Variants in ATXN2 observed in about 807,000 individuals in gnomAD.
The protein encoded by ATXN2 is ataxin-2.
A neutral mutation model predicts 138.6 loss-of-function variants in ATXN2; 37 were observed. The observed-to-expected ratio is 0.27, with a 90% CI of 0.21 to 0.35. ATXN2 has a LOEUF of 0.35. Ranked by LOEUF, ATXN2 falls within the 10% of genes least tolerant of loss-of-function variation. ATXN2 has a pLI of 1.00. For missense variants in ATXN2, 1,216 were observed against 1,480.3 expected, an observed-to-expected ratio of 0.82 and a Z score of 2.93; for synonymous variants, 549 against 543.7, an observed-to-expected ratio of 1.01 and a Z score of -0.13.
intron 14 of ATXN2, among the ~76,000 whole-genome samples, chr12:111,507,503 C>T (rs916702648): frequency 6.6e-6 from 1 of 151,218 alleles, no homozygotes; most frequent in African/African-American, 2.4e-5. Context: ...GGGGGTCAGC[C>T]CCCGCCCGGC....
At chr12:111,554,962 T>A (rs1882314853) in intron 2 of ATXN2, among the ~76,000 whole-genome samples, 1 of 152,212 alleles carries the variant, frequency 6.6e-6, no homozygotes, top group African/African-American at 2.4e-5. Context: ...TACTACCATA[T>A]ACGTGTATAT....
At chr12:111,495,161 A>T (rs1297412056) in intron 14 of ATXN2, among the ~76,000 whole-genome samples, 1 of 152,092 alleles carries the variant, frequency 6.6e-6, no homozygotes, top group Non-Finnish European at 1.5e-5. Context: ...CAAAAAATTT[A>T]GCTGGGCTTG....
chr12:111,524,126 C>T (rs764730445), intron 6 of ATXN2, among the ~76,000 whole-genome samples: 6 of 152,062 alleles, frequency 3.9e-5, no homozygotes, highest in East Asian at 3.9e-4. Flanking sequence ...ATACAGGTGA[C>T]GTGATGTACA....
At chr12:111,543,276 G>A (rs982946882) in intron 5 of ATXN2, among the ~76,000 whole-genome samples, 1 of 152,032 alleles carries the variant, frequency 6.6e-6, no homozygotes, top group African/African-American at 2.4e-5. Context: ...TTTGTTACTC[G>A]TACTCTGTTA....
intron 20 of ATXN2, among the ~76,000 whole-genome samples, chr12:111,464,918 G>A (rs2135665785): frequency 6.6e-6 from 1 of 152,324 alleles, no homozygotes; most frequent in South Asian, 2.1e-4. Context: ...GTACTTAGGT[G>A]TCAAGTTGTC....
In ATXN2 at chr12:111,598,976, TGTTGCTGCTGC is replaced by T. The variant is rs752859349; in HGVS notation, c.48_58del (p.Gln17AlafsTer69). 1,824 of 1,430,300 alleles carry T rather than the reference TGTTGCTGCTGC, an allele frequency of 1.3e-3. 3 individuals carry two copies. The highest frequency in any genetic ancestry group is 1.3e-3 in the Non-Finnish European group (1,410 of 1,078,400). The allele number at this position is 1,430,300 out of a possible 1,614,324, so 88.6% of individuals were successfully genotyped here. A position where few individuals can be genotyped will look rare whatever the true frequency, so the allele number is the denominator to read the frequency against. ...CTGCTGCTGCTGCTGCTGCTGCTGC[TGTTGCTGCTGC>T]TGCTGCTGCTGCTGCTGCTGCTGCT... On this transcript the variant is annotated frameshift_variant, in exon 1 of 25. Coordinates refer to ENST00000673436, the MANE Select transcript of ATXN2 (RefSeq NM_001372574.1). LOFTEE classifies it high-confidence loss of function. The surrounding 1 kb of genome is among the most constrained non-coding windows in gnomAD (Gnocchi z 4.5).
At chr12:111,512,030 G>C (rs1158697830) in intron 11 of ATXN2, 1 of 152,034 alleles carries the variant, frequency 6.6e-6, no homozygotes, top group Non-Finnish European at 1.5e-5. Flanking sequence ...GAGTGCAATG[G>C]TGTGATCTTG....
intron 1 of ATXN2, among the ~76,000 whole-genome samples, chr12:111,573,833 T>C (rs778304121): frequency 6.6e-6 from 1 of 151,710 alleles, no homozygotes; most frequent in African/African-American, 2.4e-5. Flanking sequence ...AATGTTCATC[T>C]TTTCACATCA....
chr12:111,557,627 T>C (rs1388522860), intron 1 of ATXN2, among the ~76,000 whole-genome samples: 1 of 152,152 alleles, frequency 6.6e-6, no homozygotes, highest in Non-Finnish European at 1.5e-5. Flanking sequence ...AATCATCCAG[T>C]TCATGAGCAG....
intron 1 of ATXN2, among the ~76,000 whole-genome samples, chr12:111,595,865 C>T (rs1206657980): frequency 6.8e-6 from 1 of 146,850 alleles, no homozygotes; most frequent in Non-Finnish European, 1.5e-5. Flanking sequence ...GAGTTCGAGA[C>T]CAGCCTGGCC....
chr12:111,592,411 A>G (rs935348937), intron 1 of ATXN2, among the ~76,000 whole-genome samples: 2 of 151,568 alleles, frequency 1.3e-5, no homozygotes, highest in Admixed American at 1.3e-4. Flanking sequence ...AAACCCTTAG[A>G]TGGTAACAGT....
Position 111,599,238 on chromosome 12 carries a change from G to C in ATXN2, c.-204C>G. 2 of 1,204,458 alleles carry C rather than the reference G, an allele frequency of 1.7e-6. No homozygotes were observed. Among genetic ancestry groups the C allele is most frequent in the Non-Finnish European group, 2.1e-6 (2 of 973,330 alleles). 74.6% of individuals were successfully genotyped at this position (1,204,458 alleles called of 1,614,324 possible). On this transcript the variant is annotated 5_prime_UTR_variant, in exon 1 of 25. Coordinates refer to ENST00000673436, the MANE Select transcript of ATXN2 (RefSeq NM_001372574.1). Reference sequence around the variant, plus strand: ...GGAGGCCCGCCGAGACCAAGGAGCCGCCGGGAGCCGGGCCGAAACGCGCCG... The same window carrying C: ...GGAGGCCCGCCGAGACCAAGGAGCCCCCGGGAGCCGGGCCGAAACGCGCCG...
At chr12:111,597,751 T>G in intron 1 of ATXN2, 1 of 853,538 alleles carries the variant, frequency 1.2e-6, no homozygotes, top group Non-Finnish European at 1.7e-6. Flanking sequence ...ACACCCGCCT[T>G]TCTGCCTTCA....
At position 111,569,336 on chromosome 12, in the gene ATXN2, G is replaced by T. The variant is rs538709716; in HGVS notation, c.252-13417C>A. ...AATTAAGTAATATTCCATACAGATC[G>T]CATAGCTTAAAACAGTGCCTGGTAT... On this transcript the variant is annotated intron_variant, in intron 1 of 24. Transcript: ENST00000673436. Among the ~76,000 whole-genome samples the T allele has an allele frequency of 2.0e-5, 3 of 152,196 alleles. No individual in the cohort carries two copies. The South Asian group carries it at 6.2e-4, about 32-fold the overall frequency.
At chr12:111,478,387 T>C (rs530429565) in intron 18 of ATXN2, among the ~76,000 whole-genome samples, 6 of 151,460 alleles carry the variant, frequency 4.0e-5, no homozygotes, top group Non-Finnish European at 7.4e-5. Flanking sequence ...GCCTGGGCAA[T>C]AGAGTGAGAT....
At chr12:111,567,670 C>T (rs1353308004) in intron 1 of ATXN2, among the ~76,000 whole-genome samples, 3 of 151,676 alleles carry the variant, frequency 2.0e-5, no homozygotes, top group South Asian at 2.1e-4. Context: ...AAAAATTAGC[C>T]GGGTATGGTG....
At chr12:111,495,015 T>A (rs139532671) in intron 14 of ATXN2, among the ~76,000 whole-genome samples, 19 of 151,576 alleles carry the variant, frequency 1.3e-4, no homozygotes, top group African/African-American at 4.6e-4. Context: ...TAAATGGATT[T>A]AAAAAAAAGG....
At chr12:111,520,301 G>C (rs758683525) in intron 7 of ATXN2, among the ~76,000 whole-genome samples, 1 of 152,064 alleles carries the variant, frequency 6.6e-6, no homozygotes, top group Non-Finnish European at 1.5e-5. Context: ...TCAAAAACTG[G>C]TTAAACTGTT....
intron 5 of ATXN2, among the ~76,000 whole-genome samples, chr12:111,542,037 G>C (rs980033075): frequency 2.0e-5 from 3 of 149,122 alleles, no homozygotes. Context: ...CAAAGTGCTG[G>C]GATTACAGGC....
Sources: gnomAD v4.1 joint callset for allele counts (sites outside exome capture counted in the v4.1 genomes callset) on GRCh38, gnomAD v4.1.1 for gene constraint, Gnocchi (gnomAD v3.1) non-coding constraint, MANE v1.5 for transcripts, NCBI Gene and HGNC (gene_info 2026-07-23, HGNC 2026-07-21) for gene names.